The following CEP162 variants were observed in gnomAD, a reference collection of about 807,000 sequenced individuals.
CEP162 encodes centrosomal protein 162, also known as centrosomal protein of 162 kDa.
CEP162 carries 141 observed loss-of-function variants against 169.2 expected under a neutral mutation model. The observed-to-expected ratio is 0.83, with a 90% CI of 0.73 to 0.96. The LOEUF (loss-of-function observed/expected upper bound fraction) is 0.96. Among genes scored for constraint, CEP162 ranks in the 40% least tolerant of loss-of-function variants. The pLI, the probability that CEP162 is intolerant of heterozygous loss-of-function variation, is 0.00. For synonymous variants in CEP162, 540 were observed against 526.4 expected (o/e 1.03, Z -0.35); for missense variants, 1,600 against 1,587.2 (o/e 1.01, Z -0.14).
At chr6:84,194,688 G>A (rs1005919816) in intron 10 of CEP162, among the ~76,000 whole-genome samples, 196 bp downstream of exon 10, 4 of 152,000 alleles carry the variant, frequency 2.6e-5, no homozygotes, top group Admixed American at 1.3e-4. Flanking sequence ...TCTTGACCTC[G>A]TGATCCACCC....
chr6:84,206,486 A>G (rs2127739296), intron 6 of CEP162, among the ~76,000 whole-genome samples: 1 of 152,358 alleles, frequency 6.6e-6, no homozygotes, highest in Non-Finnish European at 1.5e-5. Context: ...TCCTTATTTA[A>G]TAAATGGTGC....
chr6:84,219,923 G>C (rs2099553017), intron 3 of CEP162, among the ~76,000 whole-genome samples: 1 of 152,146 alleles, frequency 6.6e-6, no homozygotes, highest in Non-Finnish European at 1.5e-5. Context: ...TGACAAGAGA[G>C]CTAGAAGATA....
rs1251159113 is a variant in CEP162 at position 84,152,520 on chromosome 6, A to C, written c.3629+25T>G. 7 of 1,209,034 alleles carry C rather than the reference A, an allele frequency of 5.8e-6. No individual in the cohort carries two copies. The South Asian group carries it at 1.5e-4, about 27-fold the overall frequency. 74.9% of individuals were successfully genotyped at this position (1,209,034 alleles called of 1,614,324 possible). On this transcript the variant is annotated intron_variant, in intron 23 of 26. Transcript: ENST00000403245. ...TTTTTATCTTTTTATTTTTACAAATATTTATAAATAATTTAACATTTTACC... is the reference window on the plus strand; with the variant it reads ...TTTTTATCTTTTTATTTTTACAAATCTTTATAAATAATTTAACATTTTACC...
At chr6:84,140,473 CTT>C (rs1389692793) in intron 25 of CEP162, among the ~76,000 whole-genome samples, 1 of 152,060 alleles carries the variant, frequency 6.6e-6, no homozygotes, top group Non-Finnish European at 1.5e-5. Context: ...CTTTTGCAGA[CTT>C]TTTTGAGGAA....
Position 84,124,705 on chromosome 6 carries a change from C to G in CEP162, c.*365G>C. 3.7e-6 allele frequency: 1 copy of G among 268,638 alleles called. No individual in the cohort carries two copies. The highest frequency in any genetic ancestry group is 7.0e-6 in the Non-Finnish European group (1 of 142,512). The allele number at this position is 268,638 out of a possible 1,614,324, so 16.6% of individuals were successfully genotyped here. ...TTCAATACACCCATGTTACAACAAG[C>G]ACATGTACCCCCTGGATCTAAAATA... On this transcript the variant is annotated 3_prime_UTR_variant, in exon 27 of 27. Coordinates refer to ENST00000403245, the MANE Select transcript of CEP162 (RefSeq NM_014895.4).
intron 13 of CEP162, among the ~76,000 whole-genome samples, chr6:84,181,036 A>G (rs556097072): frequency 8.5e-5 from 13 of 152,210 alleles, no homozygotes; most frequent in African/African-American, 2.9e-4. Flanking sequence ...AAAAGAGCCC[A>G]TATAGCCAAG....
intron 25 of CEP162, among the ~76,000 whole-genome samples, chr6:84,140,806 G>A (rs1025513563): frequency 6.6e-6 from 1 of 152,162 alleles, no homozygotes; most frequent in Non-Finnish European, 1.5e-5. Flanking sequence ...ATTTACAGGC[G>A]TGAGTCACTT....
At chr6:84,148,551 T>C (rs72909510) in intron 24 of CEP162, among the ~76,000 whole-genome samples, 1 of 152,208 alleles carries the variant, frequency 6.6e-6, no homozygotes, top group Non-Finnish European at 1.5e-5. Flanking sequence ...TACATCTCTT[T>C]AGAATAAGGG....
intron 25 of CEP162, among the ~76,000 whole-genome samples, chr6:84,146,162 C>G (rs1466188305): frequency 6.6e-6 from 1 of 152,054 alleles, no homozygotes; most frequent in Non-Finnish European, 1.5e-5. Flanking sequence ...ATCTCTAATC[C>G]AAATCTCTTC....
intron 11 of CEP162, among the ~76,000 whole-genome samples, chr6:84,191,559 G>T (rs2099539905): frequency 6.6e-6 from 1 of 152,146 alleles, no homozygotes; most frequent in African/African-American, 2.4e-5. Flanking sequence ...TGGGGGTGAG[G>T]AAGTATATAA....
chr6:84,161,178 TAATA>T (rs2099525630), intron 20 of CEP162, among the ~76,000 whole-genome samples: 2 of 151,964 alleles, frequency 1.3e-5, no homozygotes, highest in African/African-American at 4.8e-5. Context: ...GTTGATAAGC[TAATA>T]AATAAAGTAA....
At chr6:84,210,441 C>CA (rs1380889508) in intron 6 of CEP162, among the ~76,000 whole-genome samples, 21 of 151,896 alleles carry the variant, frequency 1.4e-4, no homozygotes, top group African/African-American at 4.6e-4. Context: ...CAACTGGCAG[C>CA]AAAAAAATGT....
chr6:84,226,081 A>G (rs764515108), intron 2 of CEP162, among the ~76,000 whole-genome samples: 1 of 151,772 alleles, frequency 6.6e-6, no homozygotes, highest in Non-Finnish European at 1.5e-5. Flanking sequence ...AGACCAATAG[A>G]GTCTTTTACT....
At chr6:84,176,373 C>T (rs2099532405) in intron 13 of CEP162, among the ~76,000 whole-genome samples, 6 of 152,074 alleles carry the variant, frequency 3.9e-5, no homozygotes, top group Admixed American at 3.9e-4. Context: ...TTTAATTAGA[C>T]CGATGTAAGT....
chr6:84,198,701 AAAT>A (rs1393946827), intron 9 of CEP162, among the ~76,000 whole-genome samples: 1 of 152,204 alleles, frequency 6.6e-6, no homozygotes, highest in African/African-American at 2.4e-5. Flanking sequence ...GGGTTGACAT[AAAT>A]AATGATGATA....
At chr6:84,225,882 G>GT (rs1260303182) in intron 2 of CEP162, among the ~76,000 whole-genome samples, 2 of 152,164 alleles carry the variant, frequency 1.3e-5, no homozygotes, top group Non-Finnish European at 2.9e-5. Context: ...AGAGGGAACA[G>GT]TGAGTGCAAA....
At chr6:84,194,023 C>T (rs1353506429) in intron 10 of CEP162, among the ~76,000 whole-genome samples, 1 of 151,956 alleles carries the variant, frequency 6.6e-6, no homozygotes, top group Admixed American at 6.6e-5. Context: ...TAAAAAATAT[C>T]CCTTTAAATG....
At position 84,163,563 on chromosome 6, in the gene CEP162, T is replaced by C. The variant is rs141086874; in HGVS notation, c.2386-293A>G. On this transcript the variant is annotated intron_variant, in intron 18 of 26. Coordinates refer to ENST00000403245, the MANE Select transcript of CEP162 (RefSeq NM_014895.4). ...CCATGAATTCTCTTGCTTGGATTAC[T>C]GTAATAAGCTCTTAACTAGTATGCC... is the stretch of plus-strand genomic sequence containing the variant. Among the ~76,000 whole-genome samples, 15 of 152,068 alleles carry C rather than the reference T, an allele frequency of 9.9e-5. No homozygotes were observed. The East Asian group carries it at 2.9e-3, about 29-fold the overall frequency.
chr6:84,216,027 AT>A (rs1158546167), intron 3 of CEP162, 105 bp from the exon 4 acceptor site: 2 of 1,337,764 alleles, frequency 1.5e-6, no homozygotes, highest in African/African-American at 3.0e-5. Flanking sequence ...CACAGTAGCT[AT>A]AAAATAAATC....
Sources: gnomAD v4.1 joint callset for allele counts (sites outside exome capture counted in the v4.1 genomes callset) on GRCh38, gnomAD v4.1.1 for gene constraint, MANE v1.5 for transcripts, NCBI Gene and HGNC (gene_info 2026-07-23, HGNC 2026-07-21) for gene names.